Variants in EXD3 observed in about 807,000 individuals in gnomAD.
The protein encoded by EXD3 is exonuclease 3'-5' domain containing 3.
EXD3 carries 92 observed loss-of-function variants against 98.0 expected under a neutral mutation model. That is an observed-to-expected ratio of 0.94 (90% CI 0.79 to 1.12). The LOEUF (loss-of-function observed/expected upper bound fraction) is 1.12. Ranked by LOEUF, EXD3 falls within the 50% of genes most tolerant of loss-of-function variation. EXD3 has a pLI of 0.00. For synonymous variants in EXD3, 569 were observed against 526.0 expected, an observed-to-expected ratio of 1.08 and a Z score of -1.12; for missense variants, 1,222 against 1,191.6, an observed-to-expected ratio of 1.03 and a Z score of -0.38.
rs1004216456 is a variant in EXD3 at position 137,371,393 on chromosome 9, C to T, written c.462+1512G>A. On this transcript the variant is annotated intron_variant, in intron 5 of 21. Transcript: ENST00000340951. The surrounding 1 kb of genome is among the most constrained non-coding windows in gnomAD (Gnocchi z 8.0). ...CGCCAGGGGTGGGGCCCGCGCGGCC[C>T]ACACAGGGGACACTCCTGTGAGGGC... Among the ~76,000 whole-genome samples, 3 of 152,092 alleles carry T rather than the reference C, an allele frequency of 2.0e-5. No homozygotes were observed. The highest frequency in any genetic ancestry group is 7.2e-5 in the African/African-American group (3 of 41,420).
At chr9:137,408,465 T>G (rs1837839159) in intron 1 of EXD3, among the ~76,000 whole-genome samples, 1 of 146,728 alleles carries the variant, frequency 6.8e-6, no homozygotes, top group Admixed American at 7.0e-5. Flanking sequence ...GTGAATGGCG[T>G]GAACCCGGGA....
chr9:137,351,267 G>A, intron 13 of EXD3, 51 bp downstream of exon 13: 1 of 1,565,872 alleles, frequency 6.4e-7, no homozygotes, highest in Non-Finnish European at 8.7e-7. Context: ...AGGCAGGGGT[G>A]CGGGCTGCTT....
At chr9:137,318,030 T>C (rs1442040684) in intron 19 of EXD3, among the ~76,000 whole-genome samples, 1 of 151,928 alleles carries the variant, frequency 6.6e-6, no homozygotes, top group Non-Finnish European at 1.5e-5. Context: ...TCCCTCTGTC[T>C]ATCAACTGAG....
At position 137,395,186 on chromosome 9, in the gene EXD3, G is replaced by A. The variant is rs1334407761; in HGVS notation, c.55+117C>T. ...ACTGTAGAGAGGCCCGCAGCTAGGG[G>A]CCAGCAGCCTGGCCCTCGTCACTGA... On this transcript the variant is annotated intron_variant, in intron 2 of 21. Transcript: ENST00000340951. The surrounding 1 kb of genome is among the most constrained non-coding windows in gnomAD (Gnocchi z 6.5). 4 of 947,576 alleles carry A rather than the reference G, an allele frequency of 4.2e-6. No individual in the cohort carries two copies. Among genetic ancestry groups the A allele is most frequent in the Non-Finnish European group, 6.8e-6 (4 of 588,850 alleles). The allele number at this position is 947,576 out of a possible 1,614,324, so 58.7% of individuals were successfully genotyped here.
chr9:137,413,940 G>A (rs1378083981), intron 1 of EXD3, among the ~76,000 whole-genome samples: 4 of 142,442 alleles, frequency 2.8e-5, no homozygotes, highest in South Asian at 2.2e-4. Context: ...TTTTTGAGAC[G>A]GAGTCTCACT....
chr9:137,399,175 T>G (rs1588423936), intron 1 of EXD3, among the ~76,000 whole-genome samples: 1 of 152,232 alleles, frequency 6.6e-6, no homozygotes, highest in East Asian at 1.9e-4. Flanking sequence ...AACGCCCCTC[T>G]ACTGTCTTCT....
chr9:137,386,440 G>A (rs912845208), intron 2 of EXD3, among the ~76,000 whole-genome samples: 1 of 152,020 alleles, frequency 6.6e-6, no homozygotes, highest in Non-Finnish European at 1.5e-5. Flanking sequence ...CTCAGGTCCT[G>A]CTGGTTCTGC....
In EXD3 at chr9:137,348,251, C is replaced by T. The variant is rs117681406; in HGVS notation, c.1831-13G>A. On this transcript the variant is annotated splice_polypyrimidine_tract_variant and intron_variant, in intron 16 of 21. Coordinates refer to ENST00000340951, the MANE Select transcript of EXD3 (RefSeq NM_017820.5). The stretch of plus-strand genomic sequence containing the variant: ...CAGCCACAGGGACCTGCAGTGAGGC[C>T]CTGGTCAGCAGTCCCACGGTCACCC... The T allele has an allele frequency of 0.023, 36,464 of 1,608,580 alleles. 511 individuals are homozygous for T. Among genetic ancestry groups the T allele is most frequent in the Middle Eastern group, 0.037 (219 of 5,920 alleles).
chr9:137,367,540 G>A (rs754587502), intron 6 of EXD3: 6 of 183,832 alleles, frequency 3.3e-5, no homozygotes, highest in Admixed American at 6.1e-5. Flanking sequence ...TCATCTGTCC[G>A]GAAATTCACA....
intron 1 of EXD3, among the ~76,000 whole-genome samples, chr9:137,396,897 G>A (rs1837241214): frequency 6.6e-6 from 1 of 152,258 alleles, no homozygotes; most frequent in Non-Finnish European, 1.5e-5. Flanking sequence ...CCCGACAGCA[G>A]TCAGTGCCCA....
chr9:137,371,803 C>T lies in EXD3; in HGVS notation c.462+1102G>A, dbSNP rs939842006. On this transcript the variant is annotated intron_variant, in intron 5 of 21. Transcript: ENST00000340951. The surrounding 1 kb of genome is among the most constrained non-coding windows in gnomAD (Gnocchi z 8.0). ...ACCCCCGGGCTTCTTTGCCGCACCT[C>T]GTGCTGCACCCTAGAATCTGCACTG... Among the ~76,000 whole-genome samples, 17 of 152,156 alleles carry T rather than the reference C, an allele frequency of 1.1e-4. No homozygotes were observed. Among genetic ancestry groups the T allele is most frequent in the Non-Finnish European group, 1.8e-4 (12 of 67,970 alleles).
intron 19 of EXD3, among the ~76,000 whole-genome samples, chr9:137,319,729 C>T (rs1434015430): frequency 6.6e-6 from 1 of 152,214 alleles, no homozygotes; most frequent in Non-Finnish European, 1.5e-5. Context: ...GCAAAGCAAG[C>T]TCCATTCTCC....
intron 1 of EXD3, among the ~76,000 whole-genome samples, chr9:137,418,644 C>T (rs1373045097): frequency 6.6e-6 from 1 of 151,882 alleles, no homozygotes; most frequent in Non-Finnish European, 1.5e-5. Context: ...ACTGAAACTA[C>T]TAAATATAAG....
chr9:137,344,119 C>T (rs1171572956), intron 17 of EXD3, among the ~76,000 whole-genome samples: 1 of 151,716 alleles, frequency 6.6e-6, no homozygotes, highest in African/African-American at 2.4e-5. Flanking sequence ...TCTCGATCTT[C>T]TGACCTGGTG....
intron 17 of EXD3, among the ~76,000 whole-genome samples, chr9:137,327,995 T>G (rs1832554512): frequency 6.6e-6 from 1 of 152,130 alleles, no homozygotes; most frequent in East Asian, 1.9e-4. Context: ...ACCCATATGA[T>G]GAGTAAAACA....
chr9:137,357,627 G>C (rs1397722506), intron 7 of EXD3, among the ~76,000 whole-genome samples: 1 of 151,490 alleles, frequency 6.6e-6, no homozygotes, highest in East Asian at 1.9e-4. Flanking sequence ...GTGCTTTTAA[G>C]GTTTCTTTTG....
At chr9:137,410,135 C>T (rs937129546) in intron 1 of EXD3, among the ~76,000 whole-genome samples, 7 of 152,012 alleles carry the variant, frequency 4.6e-5, no homozygotes, top group African/African-American at 1.7e-4. Flanking sequence ...GAGACCGTGC[C>T]ACTACACTCC....
intron 2 of EXD3, among the ~76,000 whole-genome samples, chr9:137,391,579 G>A (rs914452903): frequency 8.3e-5 from 3 of 36,264 alleles, no homozygotes; most frequent in African/African-American, 2.2e-4. Context: ...CCACCCCACC[G>A]CCCGCCGGCC....
At chr9:137,335,093 AC>A (rs1464829864) in intron 17 of EXD3, among the ~76,000 whole-genome samples, 7 of 151,814 alleles carry the variant, frequency 4.6e-5, no homozygotes, top group Non-Finnish European at 8.8e-5. Flanking sequence ...AAAAAAAAAA[AC>A]AAACAAAATA....
Sources: allele counts gnomAD v4.1 joint callset (sites outside exome capture counted in the v4.1 genomes callset), GRCh38; gene constraint gnomAD v4.1.1; non-coding constraint Gnocchi (gnomAD v3.1); transcripts MANE v1.5; gene names NCBI Gene and HGNC (gene_info 2026-07-23, HGNC 2026-07-21).